Variants in SNX27 observed in about 807,000 individuals in gnomAD.
SNX27 encodes sorting nexin 27, also known as sorting nexin-27.
Under a neutral mutation model 71.6 loss-of-function variants are expected in SNX27, and 22 were observed. The observed-to-expected ratio is 0.31, with a 90% CI of 0.22 to 0.44. SNX27 has a LOEUF of 0.44. Among genes scored for constraint, SNX27 ranks in the 20% least tolerant of loss-of-function variants. The pLI is 1.00. For missense variants in SNX27, 531 were observed against 698.6 expected (o/e 0.76, Z 2.70); for synonymous variants, 269 against 277.2 (o/e 0.97, Z 0.29).
chr1:151,632,868 A>ATTTTTAT, intron 1 of SNX27, among the ~76,000 whole-genome samples: 1 of 151,602 alleles, frequency 6.6e-6, no homozygotes, highest in Admixed American at 6.6e-5. Context: ...TATTTTATTT[A>ATTTTTAT]TTTTTATTTT....
chr1:151,641,475 C>T (rs1668715409), intron 2 of SNX27, among the ~76,000 whole-genome samples: 1 of 151,154 alleles, frequency 6.6e-6, no homozygotes, highest in African/African-American at 2.4e-5. Context: ...GCTTAATGGG[C>T]ATTCATGTGT....
chr1:151,658,656 T>C (rs989340658), intron 3 of SNX27, among the ~76,000 whole-genome samples: 1 of 151,766 alleles, frequency 6.6e-6, no homozygotes, highest in African/African-American at 2.4e-5. Flanking sequence ...GAAAAATGAA[T>C]ATTTAGTTTT....
chr1:151,668,223 G>A (rs1269074133), intron 6 of SNX27, among the ~76,000 whole-genome samples: 3 of 152,128 alleles, frequency 2.0e-5, no homozygotes, highest in East Asian at 1.9e-4. Context: ...TCCAAACCAC[G>A]GCACTTGTCA....
intron 7 of SNX27, chr1:151,678,593 T>C (rs1670804401): frequency 6.6e-6 from 1 of 152,244 alleles, no homozygotes; most frequent in African/African-American, 2.4e-5. Context: ...GAGATCCTTT[T>C]TTCAATATAC....
Position 151,695,496 on chromosome 1 carries a change from CT to C in SNX27, c.*1080del, listed in dbSNP as rs1175845917. On this transcript the variant is annotated 3_prime_UTR_variant, in exon 12 of 12. Coordinates refer to ENST00000458013, the MANE Select transcript of SNX27 (RefSeq NM_001330723.2). ...AATGTGGTGGCATGAACATAGCTCA[CT>C]GTTACCTTGAATTCTGGGCTCAGGT... 1 of 139,692 alleles carries C rather than the reference CT, an allele frequency of 7.2e-6. No homozygotes were observed. The highest frequency in any genetic ancestry group is 1.5e-5 in the Non-Finnish European group (1 of 66,016). 8.7% of individuals were successfully genotyped at this position (139,692 alleles called of 1,614,324 possible).
chr1:151,684,635 C>A (rs1308155), intron 8 of SNX27, among the ~76,000 whole-genome samples: 13,103 of 152,178 alleles, frequency 0.086, 1,366 homozygotes, highest in East Asian at 0.34. Flanking sequence ...GATGGGGTTA[C>A]ATCCCAATAA....
chr1:151,617,197 T>C (rs763912737), intron 1 of SNX27, among the ~76,000 whole-genome samples: 1 of 151,782 alleles, frequency 6.6e-6, no homozygotes, highest in Non-Finnish European at 1.5e-5. Context: ...TAGCACAAGT[T>C]AATATTAATA....
chr1:151,633,560 C>G (rs1668339918), intron 1 of SNX27, among the ~76,000 whole-genome samples: 1 of 40,062 alleles, frequency 2.5e-5, no homozygotes, highest in African/African-American at 4.4e-5. Context: ...CTGCCTCCCA[C>G]AGTGCTGGGA....
At chr1:151,628,270 G>C (rs914141202) in intron 1 of SNX27, among the ~76,000 whole-genome samples, 3 of 152,120 alleles carry the variant, frequency 2.0e-5, no homozygotes, top group African/African-American at 7.2e-5. Flanking sequence ...GCCTACCTAA[G>C]TACTGGGATT....
chr1:151,684,817 T>G (rs1671119937), intron 8 of SNX27, among the ~76,000 whole-genome samples: 1 of 148,364 alleles, frequency 6.7e-6, no homozygotes, highest in African/African-American at 2.5e-5. Flanking sequence ...ATTTAAACTG[T>G]TTTTTTTTTG....
At chr1:151,617,065 T>TA (rs1160310838) in intron 1 of SNX27, among the ~76,000 whole-genome samples, 1 of 152,138 alleles carries the variant, frequency 6.6e-6, no homozygotes, top group Non-Finnish European at 1.5e-5. Context: ...AGTGAATTGT[T>TA]AGGCTCTCGA....
intron 6 of SNX27, 24 bp downstream of exon 6, chr1:151,666,035 A>G (rs774971525): frequency 2.5e-6 from 4 of 1,585,004 alleles, no homozygotes; most frequent in East Asian, 2.2e-5. Flanking sequence ...GCTGATACTA[A>G]GTTTTGTTTT....
chr1:151,692,898 CTTGGTTGTCCAGAACCA>C lies in SNX27; in HGVS notation c.1390-12_1394del. ...CACAGACTGTACCTTACTCCCTTGTCTTGGTTGTCCAGAACCAGGTAATTGCATTTGAATGGGATGAG... is the reference window on the plus strand; with the variant it reads ...CACAGACTGTACCTTACTCCCTTGTCGGTAATTGCATTTGAATGGGATGAG... On this transcript the variant is annotated splice_acceptor_variant and splice_polypyrimidine_tract_variant and coding_sequence_variant and intron_variant, in exon 10 of 12. Coordinates refer to ENST00000458013, the MANE Select transcript of SNX27 (RefSeq NM_001330723.2). LOFTEE classifies it high-confidence loss of function. The C allele has an allele frequency of 6.2e-7, 1 of 1,614,140 alleles. No homozygotes were observed. The highest frequency in any genetic ancestry group is 8.5e-7 in the Non-Finnish European group (1 of 1,179,994).
intron 1 of SNX27, among the ~76,000 whole-genome samples, chr1:151,632,513 GAGATTA>G (rs1483738260): frequency 1.3e-5 from 2 of 152,154 alleles, no homozygotes; most frequent in Non-Finnish European, 2.9e-5. Flanking sequence ...TTGTTTATAG[GAGATTA>G]AGACAAAAAA....
rs183406661 is a variant in SNX27, at chr1:151,683,887, G to A, written c.1239+442G>A. Among the ~76,000 whole-genome samples, 57 of 152,172 alleles carry A rather than the reference G, an allele frequency of 3.7e-4. No individual in the cohort carries two copies. In the East Asian group the frequency reaches 8.1e-3, roughly 22 times the overall value. On this transcript the variant is annotated intron_variant, in intron 8 of 11. Transcript: ENST00000458013. ...TTGCCATGTTGGCCAGGCTGGTCTC[G>A]AACTCTTGACCTCAGGTGATCCACC...
rs1431418192 is a variant in SNX27, at chr1:151,630,937, C to T, written c.312-7951C>T. Among the ~76,000 whole-genome samples, 3 of 152,220 alleles carry T rather than the reference C, an allele frequency of 2.0e-5. No individual in the cohort carries two copies. In the East Asian group the frequency reaches 5.8e-4, roughly 29 times the overall value. ...GTTCCAGCTACTCGGGAGGCTGAGG[C>T]GGGAGAATGGCGTGAACCCGGGAGG... On this transcript the variant is annotated intron_variant, in intron 1 of 11. Transcript: ENST00000458013.
intron 5 of SNX27, among the ~76,000 whole-genome samples, chr1:151,663,890 C>T (rs1032966599): frequency 5.3e-5 from 8 of 152,032 alleles, no homozygotes; most frequent in Non-Finnish European, 1.2e-4. Context: ...CCAGTGATTT[C>T]ATTAAAGATT....
chr1:151,680,842 G>A (rs1177185228), intron 7 of SNX27, among the ~76,000 whole-genome samples: 6 of 152,166 alleles, frequency 3.9e-5, no homozygotes, highest in African/African-American at 1.4e-4. Flanking sequence ...GAGCAGTACA[G>A]TGTTTTGGTG....
rs187462607 is a variant in SNX27, at chr1:151,660,711, G to T, written c.737-87G>T. ...CTGATGATTTAAACTTAAAACTGATGATTTAAACTTAAAACTTTGATACGT... is the reference window on the plus strand; with the variant it reads ...CTGATGATTTAAACTTAAAACTGATTATTTAAACTTAAAACTTTGATACGT... On this transcript the variant is annotated intron_variant, in intron 3 of 11. Transcript: ENST00000458013. The T allele has an allele frequency of 3.2e-4, 320 of 1,010,230 alleles. No homozygotes were observed. The African/African-American group carries it at 4.8e-3, about 15-fold the overall frequency. 62.6% of individuals were successfully genotyped at this position (1,010,230 alleles called of 1,614,324 possible). A position where few individuals can be genotyped will look rare whatever the true frequency, so the allele number is the denominator to read the frequency against.
Sources: allele counts gnomAD v4.1 joint callset (sites outside exome capture counted in the v4.1 genomes callset), GRCh38; gene constraint gnomAD v4.1.1; transcripts MANE v1.5; gene names NCBI Gene and HGNC (gene_info 2026-07-23, HGNC 2026-07-21).